DPP6: variants seen among roughly 807,000 people sequenced by gnomAD.
DPP6 encodes the protein dipeptidyl peptidase like 6.
DPP6 carries 69 observed loss-of-function variants against 122.6 expected under a neutral mutation model. The ratio of observed to expected loss-of-function variants is 0.56; its 90% CI spans 0.46 to 0.69. DPP6 has a LOEUF of 0.69. DPP6 is among the 30% of genes least tolerant of loss of function. The pLI, the probability that DPP6 is intolerant of heterozygous loss-of-function variation, is 0.00. For missense variants in DPP6, 928 were observed against 1,116.9 expected (o/e 0.83, Z 2.41); for synonymous variants, 418 against 433.1 (o/e 0.97, Z 0.43).
chr7:154,803,525 C>T (rs1371357737), intron 13 of DPP6, among the ~76,000 whole-genome samples: 1 of 152,124 alleles, frequency 6.6e-6, no homozygotes, highest in African/African-American at 2.4e-5. Context: ...ATTAGATTTA[C>T]AAATGAAAAA....
chr7:153,946,423 G>A (rs1441455444), intron 1 of DPP6, among the ~76,000 whole-genome samples: 4 of 152,094 alleles, frequency 2.6e-5, no homozygotes, highest in African/African-American at 9.7e-5. Flanking sequence ...AACTGTCATG[G>A]TGCCGGTGGG....
At chr7:154,435,145 C>T (rs529475983) in intron 1 of DPP6, among the ~76,000 whole-genome samples, 4 of 152,170 alleles carry the variant, frequency 2.6e-5, no homozygotes, top group African/African-American at 9.6e-5. Context: ...CTGAGAATTT[C>T]ATTTAAATTG....
chr7:154,085,005 A>AAC (rs1563182870), intron 1 of DPP6, among the ~76,000 whole-genome samples: 4 of 151,658 alleles, frequency 2.6e-5, no homozygotes, highest in Admixed American at 2.0e-4. Context: ...AAAAAAAAAA[A>AAC]AAAAAACAGG....
At chr7:154,119,392 C>G (rs1415934131) in intron 1 of DPP6, among the ~76,000 whole-genome samples, 5 of 152,078 alleles carry the variant, frequency 3.3e-5, no homozygotes, top group African/African-American at 1.2e-4. Flanking sequence ...AAAGCAACCA[C>G]TTCAATTTGG....
intron 1 of DPP6, chr7:154,059,355 G>C (rs1585259729): frequency 6.4e-6 from 1 of 156,302 alleles, no homozygotes; most frequent in East Asian, 1.9e-4. Context: ...TTGATCCTAA[G>C]ATCCTTAGGA....
At chr7:154,468,529 C>T (rs117521238) in intron 2 of DPP6, among the ~76,000 whole-genome samples, 149 of 152,258 alleles carry the variant, frequency 9.8e-4, no homozygotes, top group Middle Eastern at 3.4e-3. Flanking sequence ...TCAACCTATC[C>T]GCATATAATC....
chr7:153,867,969 G>A, the DPP6 span, among the ~76,000 whole-genome samples: 9 of 152,178 alleles, frequency 5.9e-5, no homozygotes, highest in Non-Finnish European at 1.0e-4. Flanking sequence ...ATTTTCGTAT[G>A]TTGAACCAGC....
intron 6 of DPP6, among the ~76,000 whole-genome samples, chr7:154,668,221 T>TATATATATA (rs1195513675): frequency 5.0e-5 from 1 of 20,154 alleles, no homozygotes; most frequent in African/African-American, 8.3e-5. Flanking sequence ...ATATATATAA[T>TATATATATA]ATACACATTT....
chr7:154,215,467 G>T (rs62484081), intron 1 of DPP6, among the ~76,000 whole-genome samples: 1 of 152,098 alleles, frequency 6.6e-6, no homozygotes, highest in Non-Finnish European at 1.5e-5. Context: ...TGTGGTGTGC[G>T]GATGGTTTTG....
At chr7:153,816,766 T>C in the DPP6 span, among the ~76,000 whole-genome samples, 2 of 151,906 alleles carry the variant, frequency 1.3e-5, no homozygotes, top group African/African-American at 2.4e-5. Flanking sequence ...AGGAATGCAC[T>C]CACTCCCCTA....
chr7:153,816,309 G>A, the DPP6 span, among the ~76,000 whole-genome samples: 1 of 71,754 alleles, frequency 1.4e-5, no homozygotes, highest in South Asian at 4.4e-4. Context: ...AATTTCCTAT[G>A]TTAATATATA....
intron 6 of DPP6, among the ~76,000 whole-genome samples, chr7:154,668,059 C>A (rs193207925): frequency 2.7e-3 from 409 of 150,502 alleles, no homozygotes; most frequent in African/African-American, 9.6e-3. Flanking sequence ...ATGTCCTTAG[C>A]CCCTTCACCT....
chr7:154,151,528 C>T (rs1451029001), intron 1 of DPP6, among the ~76,000 whole-genome samples: 1 of 152,260 alleles, frequency 6.6e-6, no homozygotes, highest in Non-Finnish European at 1.5e-5. Context: ...CAGACAGTAG[C>T]AGCGACGGCT....
chr7:154,239,829 A>G (rs1322936995), intron 1 of DPP6, among the ~76,000 whole-genome samples: 5 of 151,018 alleles, frequency 3.3e-5, no homozygotes, highest in East Asian at 3.9e-4. Flanking sequence ...AAAAAAAAAA[A>G]AAAAAGAAAA....
In DPP6 at chr7:154,195,329, T is replaced by C. The variant is rs535343829; in HGVS notation, c.243+142266T>C. Among the ~76,000 whole-genome samples, 8 of 152,250 alleles carry C rather than the reference T, an allele frequency of 5.3e-5. No homozygotes were observed. The South Asian group carries it at 1.7e-3, about 32-fold the overall frequency. ...CCAACCTGCATTAGGAATGGACGGTTACAAGGGCCGCTCCAGGAGCCCACC... is the reference window on the plus strand; with the variant it reads ...CCAACCTGCATTAGGAATGGACGGTCACAAGGGCCGCTCCAGGAGCCCACC... On this transcript the variant is annotated intron_variant, in intron 1 of 25. Coordinates refer to ENST00000377770, the MANE Select transcript of DPP6 (RefSeq NM_130797.4).
rs1414479594 is a variant in DPP6 at position 154,669,435 on chromosome 7, A to G, written c.756A>G (p.Gln252=). Residue 252 remains glutamine, a synonymous_variant, in exon 7 of 26, where the codon CAA becomes CAG. Transcript: ENST00000377770. The stretch of plus-strand genomic sequence containing the variant: ...ATGCAGGATGGGGCCCTAAAGGCCA[A>G]CAGCTGGTAAGCCAATCAAGTTCAG... ...LQYAGWGPKG[Q]QLIFIFENNI... 92 of 1,553,212 alleles carry G rather than the reference A, an allele frequency of 5.9e-5. No homozygotes were observed. Among genetic ancestry groups the G allele is most frequent in the Non-Finnish European group, 7.8e-5 (89 of 1,148,024 alleles).
At chr7:153,818,027 G>T in the DPP6 span, among the ~76,000 whole-genome samples, 1 of 151,924 alleles carries the variant, frequency 6.6e-6, no homozygotes, top group African/African-American at 2.4e-5. Flanking sequence ...ACAAAAGTTT[G>T]TCCATCCAGA....
At chr7:154,804,201 C>T (rs887970141) in intron 14 of DPP6, among the ~76,000 whole-genome samples, 1 of 152,190 alleles carries the variant, frequency 6.6e-6, no homozygotes, top group Non-Finnish European at 1.5e-5. Flanking sequence ...AAGGGAAGCA[C>T]GCTAGCGGCA....
the DPP6 span, among the ~76,000 whole-genome samples, chr7:153,799,588 A>G: frequency 1.3e-3 from 200 of 152,258 alleles, 1 homozygote; most frequent in Admixed American, 3.1e-3. Context: ...TCTACATTTT[A>G]TAGCCCATAA....
Sources: allele counts gnomAD v4.1 joint callset (sites outside exome capture counted in the v4.1 genomes callset), GRCh38; gene constraint gnomAD v4.1.1; transcripts MANE v1.5; gene names NCBI Gene and HGNC (gene_info 2026-07-23, HGNC 2026-07-21).